The following TMEM131 variants were observed in gnomAD, a reference collection of about 807,000 sequenced individuals.
The protein encoded by TMEM131 is transmembrane protein 131.
Under a neutral mutation model 211.6 loss-of-function variants are expected in TMEM131, and 66 were observed. The observed-to-expected ratio is 0.31, with a 90% CI of 0.26 to 0.38. The LOEUF (loss-of-function observed/expected upper bound fraction) is 0.38, where lower values mean the gene tolerates loss of function less well. Among genes scored for constraint, TMEM131 ranks in the 10% least tolerant of loss-of-function variants. TMEM131 has a pLI of 1.00. For synonymous variants in TMEM131, 844 were observed against 841.3 expected (o/e 1.00, Z -0.06); for missense variants, 2,036 against 2,299.3 (o/e 0.89, Z 2.34).
At chr2:97,771,471 TATG>T (rs1482999982) in intron 33 of TMEM131, among the ~76,000 whole-genome samples, 1 of 152,160 alleles carries the variant, frequency 6.6e-6, no homozygotes, top group East Asian at 1.9e-4. Context: ...GGCCCACACT[TATG>T]ATGACAGACA....
intron 4 of TMEM131, among the ~76,000 whole-genome samples, chr2:97,873,336 A>G (rs971485628): frequency 7.2e-5 from 11 of 152,238 alleles, no homozygotes; most frequent in Admixed American, 1.3e-4. Context: ...GCAGACTTAA[A>G]CATCCCTGCC....
chr2:97,988,107 GACAC>G (rs60866434), intron 1 of TMEM131, among the ~76,000 whole-genome samples: 46,797 of 151,882 alleles, frequency 0.31, 8,470 homozygotes, highest in Non-Finnish European at 0.39. Flanking sequence ...CATAAAGACA[GACAC>G]ACAGAGCAGT....
chr2:97,923,627 TTAAAAAAAAA>T (rs1337047555), intron 2 of TMEM131, among the ~76,000 whole-genome samples: 3 of 99,688 alleles, frequency 3.0e-5, no homozygotes, highest in African/African-American at 9.0e-5. Flanking sequence ...GTCTTTTTTT[TTAAAAAAAAA>T]AAAAAAAAAA....
chr2:97,960,153 G>A (rs371223083), intron 1 of TMEM131, among the ~76,000 whole-genome samples: 1 of 57,634 alleles, frequency 1.7e-5, no homozygotes. Context: ...CTTTGTAATA[G>A]ATAATTCATA....
At chr2:97,798,205 G>A (rs1392187427) in intron 25 of TMEM131, among the ~76,000 whole-genome samples, 1 of 152,224 alleles carries the variant, frequency 6.6e-6, no homozygotes, top group East Asian at 1.9e-4. Flanking sequence ...TTGACAGCCA[G>A]TTATAGTTAA....
At chr2:97,869,665 A>G (rs1359946843) in intron 4 of TMEM131, among the ~76,000 whole-genome samples, 3 of 152,156 alleles carry the variant, frequency 2.0e-5, no homozygotes, top group African/African-American at 7.2e-5. Flanking sequence ...CCTTGGACAG[A>G]CTTGCTCACA....
At chr2:97,874,741 G>C (rs1674624141) in intron 4 of TMEM131, among the ~76,000 whole-genome samples, 1 of 152,156 alleles carries the variant, frequency 6.6e-6, no homozygotes, top group African/African-American at 2.4e-5. Context: ...ATATGGACAG[G>C]AACAACCAGT....
At chr2:97,865,056 T>C (rs763350416) in intron 4 of TMEM131, among the ~76,000 whole-genome samples, 1 of 152,236 alleles carries the variant, frequency 6.6e-6, no homozygotes, top group African/African-American at 2.4e-5. Context: ...GTGACAAATA[T>C]GGGGCAATCA....
At chr2:97,758,225 C>G (rs1027763519) in intron 40 of TMEM131, among the ~76,000 whole-genome samples, 2 of 151,878 alleles carry the variant, frequency 1.3e-5, no homozygotes. Flanking sequence ...ATGAAGACAA[C>G]CTTTGGAATC....
At chr2:97,893,513 G>A (rs192923037) in intron 3 of TMEM131, among the ~76,000 whole-genome samples, 4,234 of 152,268 alleles carry the variant, frequency 0.028, 66 homozygotes, top group Middle Eastern at 0.065. Context: ...CACCAACAGC[G>A]TAAAAGCGTT....
intron 33 of TMEM131, among the ~76,000 whole-genome samples, chr2:97,768,050 G>A (rs757363804): frequency 3.5e-5 from 5 of 142,256 alleles, no homozygotes; most frequent in Non-Finnish European, 7.8e-5. Context: ...TTATAAGGTG[G>A]TAGGGTCAAA....
intron 5 of TMEM131, among the ~76,000 whole-genome samples, chr2:97,848,766 G>C (rs1293875006): frequency 6.6e-6 from 1 of 152,030 alleles, no homozygotes; most frequent in East Asian, 1.9e-4. Flanking sequence ...AGATTTCCTA[G>C]CTACAACTCC....
At chr2:97,935,834 T>C (rs1302310928) in intron 1 of TMEM131, among the ~76,000 whole-genome samples, 1 of 151,982 alleles carries the variant, frequency 6.6e-6, no homozygotes, top group Non-Finnish European at 1.5e-5. Flanking sequence ...GGAATGTTAA[T>C]ACATTTTTAA....
At chr2:97,889,678 A>G (rs1227044933) in intron 3 of TMEM131, among the ~76,000 whole-genome samples, 1 of 151,824 alleles carries the variant, frequency 6.6e-6, no homozygotes, top group Non-Finnish European at 1.5e-5. Context: ...ATTAAGATAC[A>G]GTGTTTTTCT....
At chr2:97,820,973 A>G (rs1312117946) in intron 11 of TMEM131, among the ~76,000 whole-genome samples, 1 of 152,006 alleles carries the variant, frequency 6.6e-6, no homozygotes, top group Non-Finnish European at 1.5e-5. Context: ...GAGCCACTTT[A>G]TCTTGAGGCC....
intron 1 of TMEM131, among the ~76,000 whole-genome samples, chr2:97,989,275 A>G (rs1251680935): frequency 6.7e-6 from 1 of 148,482 alleles, no homozygotes; most frequent in Non-Finnish European, 1.5e-5. Context: ...CAAAAAACAA[A>G]ACAAAAAAAA....
chr2:97,928,021 A>G (rs1244121019), intron 1 of TMEM131, among the ~76,000 whole-genome samples: 3 of 152,200 alleles, frequency 2.0e-5, no homozygotes, highest in Non-Finnish European at 4.4e-5. Context: ...AATATATTTA[A>G]AAGCTAACAT....
intron 33 of TMEM131, among the ~76,000 whole-genome samples, chr2:97,767,038 T>A (rs1415548191): frequency 6.6e-6 from 1 of 152,042 alleles, no homozygotes; most frequent in Non-Finnish European, 1.5e-5. Flanking sequence ...AGATCTCACA[T>A]CTATAACATT....
Position 97,899,398 on chromosome 2 carries a change from A to C in TMEM131, c.290+9260T>G, listed in dbSNP as rs547654982. 1.4e-4 allele frequency among the ~76,000 whole-genome samples: 22 copies of C among 152,290 alleles called. No homozygotes were observed. In the East Asian group the frequency reaches 4.2e-3, roughly 29 times the overall value. ...AGAACTCTTAACTGAATCAGAAAAA[A>C]TTAAAAGCACTATAGAAAAATGGGT... On this transcript the variant is annotated intron_variant, in intron 3 of 40. Coordinates refer to ENST00000186436, the MANE Select transcript of TMEM131 (RefSeq NM_015348.2).
Sources: allele counts gnomAD v4.1 joint callset (sites outside exome capture counted in the v4.1 genomes callset), GRCh38; gene constraint gnomAD v4.1.1; transcripts MANE v1.5; gene names NCBI Gene and HGNC (gene_info 2026-07-23, HGNC 2026-07-21).